The following PDE4B variants were observed in gnomAD, a reference collection of about 807,000 sequenced individuals.
PDE4B encodes the protein phosphodiesterase 4B, also known as 3',5'-cyclic-AMP phosphodiesterase 4B.
Under a neutral mutation model 82.2 loss-of-function variants are expected in PDE4B, and 20 were observed. The observed-to-expected ratio is 0.24, with a 90% CI of 0.17 to 0.35. The LOEUF (loss-of-function observed/expected upper bound fraction) is 0.35, where lower values mean the gene tolerates loss of function less well. Ranked by LOEUF, PDE4B falls within the 10% of genes least tolerant of loss-of-function variation. The probability of loss-of-function intolerance (pLI) is 1.00; values close to 1 mark genes in which losing one functional copy is unlikely to be tolerated. For missense variants in PDE4B, 655 were observed against 907.2 expected, an observed-to-expected ratio of 0.72 and a Z score of 3.57; for synonymous variants, 320 against 318.9, an observed-to-expected ratio of 1.00 and a Z score of -0.04.
intron 1 of PDE4B, among the ~76,000 whole-genome samples, chr1:65,856,838 G>T (rs1646398868): frequency 6.6e-6 from 1 of 152,168 alleles, no homozygotes. Context: ...TTAAGCGTTT[G>T]CTTGGCTTGG....
At chr1:65,906,896 C>A (rs1647033276) in intron 1 of PDE4B, among the ~76,000 whole-genome samples, 1 of 152,080 alleles carries the variant, frequency 6.6e-6, no homozygotes, top group African/African-American at 2.4e-5. Flanking sequence ...GCCATTATGT[C>A]TTTGTTACTT....
chr1:65,817,808 A>G (rs1210337779), intron 1 of PDE4B, among the ~76,000 whole-genome samples: 1 of 152,184 alleles, frequency 6.6e-6, no homozygotes, highest in African/African-American at 2.4e-5. Flanking sequence ...AAAAATATAT[A>G]TTTCAAAAAT....
intron 3 of PDE4B, among the ~76,000 whole-genome samples, chr1:66,177,882 CA>C (rs1312924580): frequency 1.3e-5 from 2 of 151,966 alleles, no homozygotes; most frequent in Admixed American, 1.3e-4. Context: ...CTTTGGTGGG[CA>C]TTGTTTTTTT....
intron 8 of PDE4B, among the ~76,000 whole-genome samples, chr1:66,338,347 G>A (rs1018701695): frequency 5.7e-5 from 8 of 141,572 alleles, no homozygotes; most frequent in East Asian, 2.2e-4. Flanking sequence ...ATTGGTTGGT[G>A]GGTGATCTTG....
rs929156317 is a variant in PDE4B at position 65,928,066 on chromosome 1, G to A, written c.281+9231G>A. On this transcript the variant is annotated intron_variant, in intron 3 of 16. Coordinates refer to ENST00000341517, the MANE Select transcript of PDE4B (RefSeq NM_002600.4). Reference sequence around the variant, plus strand: ...AGTGTCCACTAGTTCCTTAAATGTCGATCATTTCCCTCTCCCCAGTGGGCA... The same window carrying A: ...AGTGTCCACTAGTTCCTTAAATGTCAATCATTTCCCTCTCCCCAGTGGGCA... 4.6e-5 allele frequency among the ~76,000 whole-genome samples: 7 copies of A among 152,112 alleles called. No homozygotes were observed. The East Asian group carries it at 5.8e-4, about 13-fold the overall frequency.
At chr1:66,048,624 G>A (rs1024530578) in intron 3 of PDE4B, among the ~76,000 whole-genome samples, 4 of 151,908 alleles carry the variant, frequency 2.6e-5, no homozygotes, top group African/African-American at 7.2e-5. Context: ...TTATTTTATA[G>A]TTGTGGATGC....
At chr1:65,872,936 C>G (rs1646591282) in intron 1 of PDE4B, among the ~76,000 whole-genome samples, 2 of 152,096 alleles carry the variant, frequency 1.3e-5, no homozygotes, top group South Asian at 4.1e-4. Flanking sequence ...TATTCAATGA[C>G]CTGCAGAGCT....
At chr1:65,810,498 A>G (rs1262513957) in intron 1 of PDE4B, among the ~76,000 whole-genome samples, 3 of 152,200 alleles carry the variant, frequency 2.0e-5, no homozygotes, top group Non-Finnish European at 4.4e-5. Context: ...CCCAAAGTCT[A>G]TACTTTTTCT....
intron 1 of PDE4B, among the ~76,000 whole-genome samples, chr1:65,814,918 G>A (rs953596436): frequency 1.3e-5 from 2 of 151,594 alleles, no homozygotes; most frequent in African/African-American, 4.8e-5. Flanking sequence ...ACCTAGTTAT[G>A]GAAAAGCTTG....
intron 7 of PDE4B, chr1:66,266,833 C>A: frequency 2.5e-6 from 1 of 394,020 alleles, no homozygotes; most frequent in Admixed American, 3.4e-5. Flanking sequence ...TCTCCTAAAT[C>A]TGTTCCCTAC....
chr1:66,374,487 T>A lies in PDE4B; in HGVS notation c.*1809T>A, dbSNP rs138911836. ...TATCATTTTCAAATGTTTCTCACAA[T>A]GTATGTTATAGTATTATTATTATAT... is the stretch of plus-strand genomic sequence containing the variant. On this transcript the variant is annotated 3_prime_UTR_variant, in exon 17 of 17. Transcript: ENST00000341517. The A allele has an allele frequency of 6.5e-6, 1 of 152,682 alleles. No homozygotes were observed. The highest frequency in any genetic ancestry group is 6.5e-5 in the Admixed American group (1 of 15,288). 9.5% of individuals were successfully genotyped at this position (152,682 alleles called of 1,614,324 possible).
intron 3 of PDE4B, among the ~76,000 whole-genome samples, chr1:65,921,185 G>T (rs1459910675): frequency 1.3e-5 from 2 of 151,426 alleles, no homozygotes; most frequent in Non-Finnish European, 2.9e-5. Context: ...AGCCGGGATG[G>T]TCTCGATCTC....
At chr1:65,931,100 T>C (rs1321777195) in intron 3 of PDE4B, among the ~76,000 whole-genome samples, 1 of 152,144 alleles carries the variant, frequency 6.6e-6, no homozygotes, top group Non-Finnish European at 1.5e-5. Flanking sequence ...TTGTGAGATA[T>C]GGTTATTTAG....
At chr1:65,972,589 C>G (rs1650200818) in intron 3 of PDE4B, among the ~76,000 whole-genome samples, 1 of 152,094 alleles carries the variant, frequency 6.6e-6, no homozygotes, top group Non-Finnish European at 1.5e-5. Context: ...TATTCTTCAA[C>G]TGGTAAGTGT....
chr1:66,226,680 G>T (rs548392903), intron 3 of PDE4B, among the ~76,000 whole-genome samples: 67 of 152,360 alleles, frequency 4.4e-4, no homozygotes, highest in African/African-American at 1.5e-3. Flanking sequence ...TATAAAATGA[G>T]ATCGGAAAGC....
At chr1:66,170,198 T>C (rs1646812920) in intron 3 of PDE4B, among the ~76,000 whole-genome samples, 1 of 152,154 alleles carries the variant, frequency 6.6e-6, no homozygotes, top group Non-Finnish European at 1.5e-5. Flanking sequence ...GTGTTGGTGA[T>C]GCTATGAACA....
intron 3 of PDE4B, among the ~76,000 whole-genome samples, chr1:66,195,743 TCTC>T (rs1648246589): frequency 6.6e-6 from 1 of 152,170 alleles, no homozygotes; most frequent in Non-Finnish European, 1.5e-5. Flanking sequence ...CACCTTCTGA[TCTC>T]CTTCTTCACC....
intron 7 of PDE4B, among the ~76,000 whole-genome samples, chr1:66,322,713 A>G (rs768478057): frequency 6.6e-6 from 1 of 151,722 alleles, no homozygotes; most frequent in Non-Finnish European, 1.5e-5. Context: ...CCTGTGTTGA[A>G]ACCAGTAGGT....
intron 1 of PDE4B, among the ~76,000 whole-genome samples, chr1:65,873,695 A>G (rs1469310166): frequency 6.6e-6 from 1 of 152,216 alleles, no homozygotes; most frequent in Non-Finnish European, 1.5e-5. Flanking sequence ...GGAATGAACA[A>G]TTCTCTGGTT....
Sources: allele counts gnomAD v4.1 joint callset (sites outside exome capture counted in the v4.1 genomes callset), GRCh38; gene constraint gnomAD v4.1.1; transcripts MANE v1.5; gene names NCBI Gene and HGNC (gene_info 2026-07-23, HGNC 2026-07-21).